ADCK1: variants seen among roughly 807,000 people sequenced by gnomAD.
ADCK1 encodes the protein aarF domain-containing protein kinase 1.
A neutral mutation model predicts 52.3 loss-of-function variants in ADCK1; 41 were observed. The ratio of observed to expected loss-of-function variants is 0.78; its 90% CI spans 0.61 to 1.02. ADCK1 has a LOEUF of 1.02. Ranked by LOEUF, ADCK1 falls within the 50% of genes least tolerant of loss-of-function variation. ADCK1 has a pLI of 0.00. For missense variants in ADCK1, 658 were observed against 679.5 expected, an observed-to-expected ratio of 0.97 and a Z score of 0.35; for synonymous variants, 250 against 274.6, an observed-to-expected ratio of 0.91 and a Z score of 0.89.
chr14:77,904,675 G>A (rs1439495484), intron 6 of ADCK1, among the ~76,000 whole-genome samples: 2 of 152,200 alleles, frequency 1.3e-5, no homozygotes, highest in South Asian at 2.1e-4. Flanking sequence ...ATTGGCATCC[G>A]TGTGGGAGGC....
intron 1 of ADCK1, among the ~76,000 whole-genome samples, chr14:77,807,508 A>ATTT (rs35510266): frequency 2.7e-4 from 35 of 130,306 alleles, no homozygotes; most frequent in African/African-American, 1.0e-3. Flanking sequence ...CGCCCAGCTA[A>ATTT]TTTTTTTTTT....
chr14:77,840,884 G>A (rs1289361246), intron 3 of ADCK1, among the ~76,000 whole-genome samples: 3 of 139,062 alleles, frequency 2.2e-5, no homozygotes, highest in African/African-American at 8.0e-5. Flanking sequence ...GGGAGAGAAG[G>A]GAAGGGGAGA....
intron 1 of ADCK1, among the ~76,000 whole-genome samples, chr14:77,807,679 T>C (rs1367362182): frequency 1.3e-5 from 2 of 151,444 alleles, no homozygotes; most frequent in Non-Finnish European, 2.9e-5. Context: ...CCGGCTAATT[T>C]TGTATTTTTA....
At chr14:77,925,014 AG>A (rs2084155601) in intron 8 of ADCK1, among the ~76,000 whole-genome samples, 1 of 152,172 alleles carries the variant, frequency 6.6e-6, no homozygotes, top group African/African-American at 2.4e-5. Flanking sequence ...GCAGGCAGCC[AG>A]TGGGGGCTGG....
intron 8 of ADCK1, 79 bp downstream of exon 8, chr14:77,924,685 G>C: frequency 1.9e-6 from 3 of 1,563,272 alleles, no homozygotes; most frequent in Non-Finnish European, 2.6e-6. Context: ...CTGCAGAACC[G>C]GGAGGGAGAT....
chr14:77,890,300 G>A (rs914090834), intron 5 of ADCK1, among the ~76,000 whole-genome samples: 14 of 152,176 alleles, frequency 9.2e-5, no homozygotes, highest in African/African-American at 3.4e-4. Flanking sequence ...CTTAACTGGG[G>A]CTGTGGGCCA....
At chr14:77,930,466 T>C (rs781169897) in intron 9 of ADCK1, among the ~76,000 whole-genome samples, 1 of 152,132 alleles carries the variant, frequency 6.6e-6, no homozygotes, top group Non-Finnish European at 1.5e-5. Flanking sequence ...CAGAGGGTAT[T>C]GGCATTCCCA....
At chr14:77,818,066 A>G (rs1407478481) in intron 1 of ADCK1, among the ~76,000 whole-genome samples, 2 of 152,074 alleles carry the variant, frequency 1.3e-5, no homozygotes, top group East Asian at 3.9e-4. Context: ...TAACCAAAGT[A>G]AATGTTTTGA....
intron 10 of ADCK1, among the ~76,000 whole-genome samples, chr14:77,932,563 C>T (rs1450650862): frequency 6.6e-6 from 1 of 152,120 alleles, no homozygotes; most frequent in Admixed American, 6.5e-5. Flanking sequence ...TGGGAATGGA[C>T]CATTCTGGGA....
At chr14:77,929,370 G>A (rs1262442288) in intron 9 of ADCK1, among the ~76,000 whole-genome samples, 2 of 152,238 alleles carry the variant, frequency 1.3e-5, no homozygotes, top group Non-Finnish European at 2.9e-5. Context: ...CAAGATGACT[G>A]TGTGGTTCCA....
At chr14:77,926,078 G>C in intron 9 of ADCK1, 117 bp downstream of exon 9, 1 of 1,215,242 alleles carries the variant, frequency 8.2e-7, no homozygotes, top group South Asian at 1.3e-5. Flanking sequence ...TGTGTGTTGG[G>C]GGAGGGGAAG....
At chr14:77,812,799 AG>A (rs1258986108) in intron 1 of ADCK1, among the ~76,000 whole-genome samples, 1 of 151,824 alleles carries the variant, frequency 6.6e-6, no homozygotes, top group African/African-American at 2.4e-5. Flanking sequence ...CATGTTGGCC[AG>A]GCTAGTCTCG....
intron 3 of ADCK1, among the ~76,000 whole-genome samples, chr14:77,833,832 A>G (rs1030829574): frequency 6.6e-6 from 1 of 152,194 alleles, no homozygotes; most frequent in African/African-American, 2.4e-5. Flanking sequence ...GGGAAATGCC[A>G]GCTACCCTCT....
intron 3 of ADCK1, among the ~76,000 whole-genome samples, chr14:77,839,918 CAAAAAAAAAAAAAAAA>C (rs10581300): frequency 1.4e-5 from 1 of 69,708 alleles, no homozygotes; most frequent in African/African-American, 6.5e-5. Context: ...GACCCTGTCT[CAAAAAAAAAAAAAAAA>C]AAAAAAAAGG....
In ADCK1 at chr14:77,816,244, G is replaced by A. The variant is rs572403650; in HGVS notation, c.-11-2724G>A. ...TGGAATTATAAAAAAGGACTATTGTGGTGTTATTATATATATTGGTTTTTG... is the reference window on the plus strand; with the variant it reads ...TGGAATTATAAAAAAGGACTATTGTAGTGTTATTATATATATTGGTTTTTG... On this transcript the variant is annotated intron_variant, in intron 1 of 10. Transcript: ENST00000238561. Among the ~76,000 whole-genome samples the A allele has an allele frequency of 4.6e-5, 7 of 152,182 alleles. No individual in the cohort carries two copies. In the East Asian group the frequency reaches 1.4e-3, roughly 29 times the overall value.
At chr14:77,931,003 C>A (rs1045245709) in intron 9 of ADCK1, among the ~76,000 whole-genome samples, 1 of 152,138 alleles carries the variant, frequency 6.6e-6, no homozygotes. Context: ...GGGCATCAGA[C>A]CTTGGGCCAC....
chr14:77,886,099 A>T (rs1191575384), intron 4 of ADCK1, among the ~76,000 whole-genome samples: 2 of 152,248 alleles, frequency 1.3e-5, no homozygotes, highest in South Asian at 2.1e-4. Flanking sequence ...TTCGAGTGGC[A>T]TTGCAGGTGA....
At chr14:77,884,255 T>A (rs377433093) in intron 4 of ADCK1, among the ~76,000 whole-genome samples, 5 of 152,158 alleles carry the variant, frequency 3.3e-5, no homozygotes, top group African/African-American at 1.2e-4. Flanking sequence ...GCCCGAGAGA[T>A]GAGGGTGTGA....
Position 77,932,724 on chromosome 14 carries a change from T to C in ADCK1, c.1401-496T>C, listed in dbSNP as rs375688423. 3.1e-3 allele frequency among the ~76,000 whole-genome samples: 479 copies of C among 152,320 alleles called. 2 individuals carry two copies. Among genetic ancestry groups the C allele is most frequent in the African/African-American group, 0.01 (418 of 41,570 alleles). ...TTCAGGAAATGAAGTCTTGAATAGG[T>C]CATCATCATAAACACCAGTTTTCAT... On this transcript the variant is annotated intron_variant, in intron 10 of 10. Transcript: ENST00000238561.
Sources: gnomAD v4.1 joint callset for allele counts (sites outside exome capture counted in the v4.1 genomes callset) on GRCh38, gnomAD v4.1.1 for gene constraint, MANE v1.5 for transcripts, NCBI Gene and HGNC (gene_info 2026-07-23, HGNC 2026-07-21) for gene names.